Variants in PHC2 observed in about 807,000 individuals in gnomAD.
PHC2 encodes the protein polyhomeotic-like protein 2.
A neutral mutation model predicts 87.4 loss-of-function variants in PHC2; 29 were observed. The ratio of observed to expected loss-of-function variants is 0.33; its 90% confidence interval spans 0.25 to 0.45. The LOEUF is 0.45. PHC2 is among the 20% of genes least tolerant of loss of function. The pLI is 1.00. For missense variants in PHC2, 857 were observed against 1,136.7 expected (o/e 0.75, Z 3.54); for synonymous variants, 438 against 461.7 (o/e 0.95, Z 0.66).
At position 33,370,296 on chromosome 1, in the gene PHC2, A is replaced by G. The variant is rs576981808; in HGVS notation, c.576+125T>C. On this transcript the variant is annotated intron_variant, in intron 5 of 14. Coordinates refer to ENST00000683057, the MANE Select transcript of PHC2 (RefSeq NM_001385109.1). The stretch of plus-strand genomic sequence containing the variant: ...CCTTCCAGGCCCCCTTCTTTATCCC[A>G]CCCCTTATCTCCTGCCCCTGCCCCT... 1.4e-5 allele frequency: 11 copies of G among 793,318 alleles called. No homozygotes were observed. In the East Asian group the frequency reaches 3.0e-4, roughly 21 times the overall value. The allele number at this position is 793,318 out of a possible 1,614,324, so 49.1% of individuals were successfully genotyped here. A position where few individuals can be genotyped will look rare whatever the true frequency, so the allele number is the denominator to read the frequency against.
chr1:33,396,380 AATAATGCAG>A (rs1467632038), intron 1 of PHC2, among the ~76,000 whole-genome samples: 1 of 152,136 alleles, frequency 6.6e-6, no homozygotes, highest in African/African-American at 2.4e-5. Flanking sequence ...TAAAAGGGGA[AATAATGCAG>A]TCAAGTGCAA....
At chr1:33,350,662 C>G (rs1377851218) in intron 9 of PHC2, among the ~76,000 whole-genome samples, 1 of 152,222 alleles carries the variant, frequency 6.6e-6, no homozygotes, top group Non-Finnish European at 1.5e-5. Context: ...CAACATGGTC[C>G]CATTTTCTTG....
intron 9 of PHC2, chr1:33,345,659 G>A (rs1223034266): frequency 1.0e-6 from 1 of 984,370 alleles, no homozygotes; most frequent in Non-Finnish European, 1.2e-6. Flanking sequence ...TCTTGACTAT[G>A]ATAAAAGAGC....
At chr1:33,353,504 T>C (rs1215658103) in intron 9 of PHC2, 1 of 152,276 alleles carries the variant, frequency 6.6e-6, no homozygotes, top group Non-Finnish European at 1.5e-5. Flanking sequence ...TGCTGTCCTT[T>C]CTCCATATTC....
chr1:33,423,052 G>T (rs1322259102), intron 1 of PHC2, among the ~76,000 whole-genome samples: 2 of 152,074 alleles, frequency 1.3e-5, no homozygotes, highest in Non-Finnish European at 2.9e-5. Context: ...GAGTACAGAT[G>T]GAAGGCGGCT....
chr1:33,356,249 T>TTATATATATATATGTA (rs1647068798), intron 7 of PHC2, among the ~76,000 whole-genome samples: 1 of 101,534 alleles, frequency 9.8e-6, no homozygotes, highest in Non-Finnish European at 2.2e-5. Flanking sequence ...GTGAAAATTC[T>TTATATATATATATGTA]TATATATATA....
chr1:33,399,421 GATGA>G (rs1649426375), intron 1 of PHC2, among the ~76,000 whole-genome samples: 1 of 152,228 alleles, frequency 6.6e-6, no homozygotes, highest in Non-Finnish European at 1.5e-5. Flanking sequence ...CAGATTTATA[GATGA>G]ATGGATTCCA....
At chr1:33,398,193 G>C (rs991339269) in intron 1 of PHC2, among the ~76,000 whole-genome samples, 1 of 152,178 alleles carries the variant, frequency 6.6e-6, no homozygotes, top group Non-Finnish European at 1.5e-5. Flanking sequence ...CTCTGGTCTT[G>C]CTTCAGCACT....
chr1:33,356,996 T>TGTTTGGA (rs1489161295), intron 7 of PHC2, among the ~76,000 whole-genome samples: 1 of 152,208 alleles, frequency 6.6e-6, no homozygotes, highest in Non-Finnish European at 1.5e-5. Flanking sequence ...GCTCATGCCT[T>TGTTTGGA]GTTTGGAGTA....
rs753951653 is a variant in PHC2, at chr1:33,331,473, T to C, written c.1892-11A>G. ...CCTCCTCTTTGGATTCTGAAAAGTA[T>C]AGAAATGGGTAGGGTGGAGAATGAG... On this transcript the variant is annotated splice_polypyrimidine_tract_variant and intron_variant, in intron 11 of 14. Transcript: ENST00000683057. This position sits in a 1 kb window ranked among gnomAD's most constrained non-coding sequence, Gnocchi z 5.2. 12 of 1,456,560 alleles carry C rather than the reference T, an allele frequency of 8.2e-6. No homozygotes were observed. The Admixed American group carries it at 1.0e-4, about 12-fold the overall frequency. The allele number at this position is 1,456,560 out of a possible 1,614,324, so 90.2% of individuals were successfully genotyped here. A position where few individuals can be genotyped will look rare whatever the true frequency, so the allele number is the denominator to read the frequency against.
In PHC2 at chr1:33,349,869, T is replaced by TCGAGGGCTGCAGCCGCC. The variant is rs1374676355; in HGVS notation, c.1558+4515_1558+4531dup. On this transcript the variant is annotated intron_variant, in intron 9 of 14. Transcript: ENST00000683057. This position sits in a 1 kb window ranked among gnomAD's most constrained non-coding sequence, Gnocchi z 4.2. ...TTGCGCGCGCGCGCGCGGCGGGCGC[T>TCGAGGGCTGCAGCCGCC]CGAGGGCTGCAGCCGCCGCGGAGAC... 3 of 973,026 alleles carry TCGAGGGCTGCAGCCGCC rather than the reference T, an allele frequency of 3.1e-6. No homozygotes were observed. The highest frequency in any genetic ancestry group is 3.6e-6 in the Non-Finnish European group (3 of 824,800). 60.3% of individuals were successfully genotyped at this position (973,026 alleles called of 1,614,324 possible). A position where few individuals can be genotyped will look rare whatever the true frequency, so the allele number is the denominator to read the frequency against.
intron 1 of PHC2, among the ~76,000 whole-genome samples, chr1:33,415,749 A>G (rs1441402997): frequency 1.3e-4 from 20 of 152,224 alleles, no homozygotes; most frequent in Admixed American, 1.3e-3. Context: ...CTTTTACTAA[A>G]TATGTTCCAC....
chr1:33,399,001 T>C (rs1649406748), intron 1 of PHC2, among the ~76,000 whole-genome samples: 1 of 152,122 alleles, frequency 6.6e-6, no homozygotes, highest in Non-Finnish European at 1.5e-5. Flanking sequence ...TCAAGGAGTT[T>C]TACAGTATTG....
Position 33,334,078 on chromosome 1 carries a change from A to T in PHC2, c.1761+12T>A. The T allele has an allele frequency of 6.3e-7, 1 of 1,583,810 alleles. No individual in the cohort carries two copies. The highest frequency in any genetic ancestry group is 1.2e-5 in the South Asian group (1 of 85,488). ...TACTTAAAAAAAAAAGGGGAAAAGA[A>T]GTAGTCCGTACCGGGAAAGGCTCCG... On this transcript the variant is annotated intron_variant, in intron 10 of 14. Coordinates refer to ENST00000683057, the MANE Select transcript of PHC2 (RefSeq NM_001385109.1). The surrounding 1 kb of genome is among the most constrained non-coding windows in gnomAD (Gnocchi z 5.5).
intron 1 of PHC2, among the ~76,000 whole-genome samples, chr1:33,405,036 C>G (rs1299500795): frequency 6.6e-6 from 1 of 152,124 alleles, no homozygotes; most frequent in Non-Finnish European, 1.5e-5. Flanking sequence ...TTTGTTTACC[C>G]AGAGTAAGAA....
chr1:33,346,485 T>C (rs1233653031), intron 9 of PHC2: 6 of 985,232 alleles, frequency 6.1e-6, no homozygotes, highest in Non-Finnish European at 7.2e-6. Context: ...GAAGAGAATC[T>C]TTCTATGGCT....
chr1:33,389,059 TAAAAAAA>T (rs72505785), intron 1 of PHC2, among the ~76,000 whole-genome samples: 140 of 137,876 alleles, frequency 1.0e-3, no homozygotes, highest in African/African-American at 3.8e-3. Flanking sequence ...ATGTTCTTGT[TAAAAAAA>T]AAAAAAAAAG....
At position 33,349,793 on chromosome 1, in the gene PHC2, G is replaced by C; in HGVS notation, c.1558+4608C>G. On this transcript the variant is annotated intron_variant, in intron 9 of 14. Transcript: ENST00000683057. This position sits in a 1 kb window ranked among gnomAD's most constrained non-coding sequence, Gnocchi z 4.2. Reference sequence around the variant, plus strand: ...TCAACAAAGGGCGGCCGGGGCGCGAGGCCGGGACGGGGGCGCGAGGCCGGG... The same window carrying C: ...TCAACAAAGGGCGGCCGGGGCGCGACGCCGGGACGGGGGCGCGAGGCCGGG... 2 of 977,606 alleles carry C rather than the reference G, an allele frequency of 2.0e-6. No individual in the cohort carries two copies. Among genetic ancestry groups the C allele is most frequent in the Non-Finnish European group, 2.4e-6 (2 of 825,766 alleles). The allele number at this position is 977,606 out of a possible 1,614,324, so 60.6% of individuals were successfully genotyped here. A position where few individuals can be genotyped will look rare whatever the true frequency, so the allele number is the denominator to read the frequency against.
chr1:33,420,852 C>T (rs1177961848), intron 1 of PHC2, among the ~76,000 whole-genome samples: 1 of 152,098 alleles, frequency 6.6e-6, no homozygotes, highest in Admixed American at 6.5e-5. Context: ...CTCAAGTGAT[C>T]CTCCTGCCTC....
Sources: allele counts gnomAD v4.1 joint callset (sites outside exome capture counted in the v4.1 genomes callset), GRCh38; gene constraint gnomAD v4.1.1; non-coding constraint Gnocchi (gnomAD v3.1); transcripts MANE v1.5; gene names NCBI Gene and HGNC (gene_info 2026-07-23, HGNC 2026-07-21).